ACSL1: variants seen among roughly 807,000 people sequenced by gnomAD.
ACSL1 encodes the protein long-chain-fatty-acid--CoA ligase 1.
Under a neutral mutation model 98.4 loss-of-function variants are expected in ACSL1, and 41 were observed. The observed-to-expected ratio is 0.42, with a 90% CI of 0.32 to 0.54. The LOEUF is 0.54. Ranked by LOEUF, ACSL1 falls within the 20% of genes least tolerant of loss-of-function variation. The pLI is 0.13. For missense variants in ACSL1, 734 were observed against 883.1 expected (o/e 0.83, Z 2.14); for synonymous variants, 316 against 322.7 (o/e 0.98, Z 0.22).
intron 11 of ACSL1, among the ~76,000 whole-genome samples, chr4:184,769,568 C>T (rs971569092): frequency 2.0e-5 from 3 of 152,164 alleles, no homozygotes; most frequent in African/African-American, 7.2e-5. Flanking sequence ...GCTTTATAAA[C>T]CCAGAAGACT....
intron 3 of ACSL1, among the ~76,000 whole-genome samples, chr4:184,784,716 G>A (rs1486439459): frequency 6.6e-6 from 1 of 152,170 alleles, no homozygotes; most frequent in African/African-American, 2.4e-5. Context: ...ACCTAAGGAA[G>A]TAGGATGGAA....
Position 184,803,287 on chromosome 4 carries a change from A to G in ACSL1, c.195+33T>C. ...CAGCTCATCTGGGGAAATGCGGAGA[A>G]AACGCACGAGGCAGGCTGGGCCCTC... is the stretch of plus-strand genomic sequence containing the variant. On this transcript the variant is annotated intron_variant, in intron 2 of 20. Transcript: ENST00000281455. The surrounding 1 kb of genome is among the most constrained non-coding windows in gnomAD (Gnocchi z 4.8). 6.7e-7 allele frequency: 1 copy of G among 1,493,764 alleles called. No homozygotes were observed. The highest frequency in any genetic ancestry group is 9.0e-7 in the Non-Finnish European group (1 of 1,115,880). The allele number at this position is 1,493,764 out of a possible 1,614,324, so 92.5% of individuals were successfully genotyped here.
At chr4:184,816,508 T>A (rs1431066629) in intron 1 of ACSL1, among the ~76,000 whole-genome samples, 1 of 152,110 alleles carries the variant, frequency 6.6e-6, no homozygotes, top group Non-Finnish European at 1.5e-5. Context: ...AAAGAGACTA[T>A]GCAGTTCGGC....
intron 2 of ACSL1, among the ~76,000 whole-genome samples, chr4:184,801,366 G>A (rs182672675): frequency 9.2e-4 from 140 of 152,242 alleles, no homozygotes; most frequent in African/African-American, 3.1e-3. Context: ...GTGAGATGGG[G>A]GTGCAGAATG....
At chr4:184,811,163 C>T (rs1250231765) in intron 1 of ACSL1, among the ~76,000 whole-genome samples, 1 of 152,136 alleles carries the variant, frequency 6.6e-6, no homozygotes, top group Non-Finnish European at 1.5e-5. Context: ...GGCTGGAGTG[C>T]AGTGGTGTGA....
rs1770904233 is a variant in ACSL1 at position 184,803,536 on chromosome 4, T to C, written c.-22A>G. The stretch of plus-strand genomic sequence containing the variant: ...GCATTGTCCTGTGTTGATAGTTCTC[T>C]AAGCTGAATTCTGTTGGGAGAGAAA... On this transcript the variant is annotated 5_prime_UTR_variant, in exon 2 of 21. Transcript: ENST00000281455. This position sits in a 1 kb window ranked among gnomAD's most constrained non-coding sequence, Gnocchi z 4.8. 1.1e-5 allele frequency: 16 copies of C among 1,469,160 alleles called. No individual in the cohort carries two copies. The highest frequency in any genetic ancestry group is 1.4e-5 in the South Asian group (1 of 69,830). The allele number at this position is 1,469,160 out of a possible 1,614,324, so 91.0% of individuals were successfully genotyped here.
chr4:184,757,247 G>A lies in ACSL1; in HGVS notation c.1975C>T (p.His659Tyr). 2 of 1,600,130 alleles carry A rather than the reference G, an allele frequency of 1.2e-6. No homozygotes were observed. Among genetic ancestry groups the A allele is most frequent in the Non-Finnish European group, 1.7e-6 (2 of 1,168,968 alleles). ...TTGTCGATAGAAAATAATTCAGGGTGCAATGTGATGCCTTTGACCTGCCAA... is the reference window on the plus strand; with the variant it reads ...TTGTCGATAGAAAATAATTCAGGGTACAATGTGATGCCTTTGACCTGCCAA... Reference protein sequence around the residue: ...PFEQVKGITLHPELFSIDNGL... With the variant: ...PFEQVKGITLYPELFSIDNGL... Residue 659 changes from histidine to tyrosine, a missense_variant, in exon 21 of 21, where the codon CAC becomes TAC. By Grantham distance (83) the His-to-Tyr change is moderately conservative (BLOSUM62 2). Transcript: ENST00000281455. The surrounding 1 kb of genome is among the most constrained non-coding windows in gnomAD (Gnocchi z 4.5).
At chr4:184,788,594 C>G (rs994909490) in intron 3 of ACSL1, 23 bp downstream of exon 3, 1 of 1,585,350 alleles carries the variant, frequency 6.3e-7, no homozygotes, top group South Asian at 1.1e-5. Flanking sequence ...GCGGGAGCCA[C>G]GCAAATGCAG....
At chr4:184,819,730 T>A (rs1029188529) in intron 1 of ACSL1, among the ~76,000 whole-genome samples, 1 of 152,052 alleles carries the variant, frequency 6.6e-6, no homozygotes, top group Admixed American at 6.6e-5. Context: ...GCAAGGTAAG[T>A]AAACACCTGG....
At chr4:184,824,467 A>T (rs765156554) in intron 1 of ACSL1, among the ~76,000 whole-genome samples, 3 of 152,162 alleles carry the variant, frequency 2.0e-5, no homozygotes, top group Non-Finnish European at 4.4e-5. Context: ...AAATTCAGAA[A>T]ACAGAAGTCT....
chr4:184,760,628 G>T, intron 17 of ACSL1, 128 bp from the exon 18 acceptor site: 1 of 1,332,890 alleles, frequency 7.5e-7, no homozygotes, highest in Non-Finnish European at 1.0e-6. Flanking sequence ...TCCCACAGAG[G>T]TCAGTTATGA....
At chr4:184,776,787 A>T in intron 6 of ACSL1, 97 bp downstream of exon 6, 3 of 1,495,938 alleles carry the variant, frequency 2.0e-6, no homozygotes, top group Non-Finnish European at 2.7e-6. Flanking sequence ...ATATATTTAC[A>T]TGTAAAATCT....
Position 184,788,097 on chromosome 4 carries a change from A to G in ACSL1, c.310+520T>C, listed in dbSNP as rs182720850. On this transcript the variant is annotated intron_variant, in intron 3 of 20. Coordinates refer to ENST00000281455, the MANE Select transcript of ACSL1 (RefSeq NM_001995.5). Reference sequence around the variant, plus strand: ...AAGTTCAGTATGACCTGAGGGCCCTATACAGGAGGCCTGGGAGGGACAGAG... The same window carrying G: ...AAGTTCAGTATGACCTGAGGGCCCTGTACAGGAGGCCTGGGAGGGACAGAG... Among the ~76,000 whole-genome samples, 81 of 152,290 alleles carry G rather than the reference A, an allele frequency of 5.3e-4. No individual in the cohort carries two copies. In the Middle Eastern group the frequency reaches 0.01, roughly 19 times the overall value.
intron 14 of ACSL1, 80 bp downstream of exon 14, chr4:184,765,811 A>C (rs777871083): frequency 7.5e-5 from 90 of 1,204,686 alleles, no homozygotes; most frequent in Non-Finnish European, 1.1e-4. Context: ...ACACACACAC[A>C]CAGTACAGAT....
intron 2 of ACSL1, among the ~76,000 whole-genome samples, chr4:184,801,034 T>A (rs1176665898): frequency 6.6e-6 from 1 of 152,048 alleles, no homozygotes; most frequent in Non-Finnish European, 1.5e-5. Flanking sequence ...AATAAAAAAA[T>A]TTATAGAGAT....
intron 2 of ACSL1, among the ~76,000 whole-genome samples, chr4:184,800,264 C>A (rs747666021): frequency 1.3e-4 from 20 of 152,184 alleles, no homozygotes; most frequent in Non-Finnish European, 2.6e-4. Context: ...GGTGAACTTG[C>A]CCAAGGTTGC....
intron 1 of ACSL1, among the ~76,000 whole-genome samples, chr4:184,815,865 A>T (rs1187473521): frequency 6.6e-6 from 1 of 152,146 alleles, no homozygotes; most frequent in Non-Finnish European, 1.5e-5. Flanking sequence ...TCATGCCTGT[A>T]AACCCAGCAC....
rs112231838 is a variant in ACSL1 at position 184,825,673 on chromosome 4, C to T, written c.-33+243G>A. On this transcript the variant is annotated intron_variant, in intron 1 of 20. Transcript: ENST00000281455. The surrounding 1 kb of genome is among the most constrained non-coding windows in gnomAD (Gnocchi z 4.7). ...AGCCCCGCGCCCGCGCCGCCCGCGA[C>T]TCAGACACAGGAAGCTGCGGCAGCA... 0.21 allele frequency among the ~76,000 whole-genome samples: 30,720 copies of T among 149,750 alleles called. 3,667 individuals carry two copies. Among genetic ancestry groups the T allele is most frequent in the East Asian group, 0.52 (2,651 of 5,098 alleles).
chr4:184,780,721 A>AT (rs1766105935), intron 4 of ACSL1, among the ~76,000 whole-genome samples: 1 of 152,078 alleles, frequency 6.6e-6, no homozygotes, highest in Non-Finnish European at 1.5e-5. Flanking sequence ...CTATTTATAC[A>AT]TTTTTTTCTA....
Sources: gnomAD v4.1 joint callset for allele counts (sites outside exome capture counted in the v4.1 genomes callset) on GRCh38, gnomAD v4.1.1 for gene constraint, Gnocchi (gnomAD v3.1) non-coding constraint, MANE v1.5 for transcripts, NCBI Gene and HGNC (gene_info 2026-07-23, HGNC 2026-07-21) for gene names.